Variants in RBM44 observed in about 807,000 individuals in gnomAD.
RBM44 encodes the protein RNA-binding protein 44.
RBM44 carries 66 observed loss-of-function variants against 105.1 expected under a neutral mutation model. The ratio of observed to expected loss-of-function variants is 0.63; its 90% CI spans 0.52 to 0.77. The LOEUF is 0.77. RBM44 is among the 30% of genes least tolerant of loss of function. RBM44 has a pLI of 0.00. For synonymous variants in RBM44, 365 were observed against 417.6 expected (o/e 0.87, Z 1.54); for missense variants, 1,122 against 1,207.8 (o/e 0.93, Z 1.05).
At chr2:237,806,571 G>T (rs1013367417) in intron 1 of RBM44, among the ~76,000 whole-genome samples, 1 of 152,158 alleles carries the variant, frequency 6.6e-6, no homozygotes, top group African/African-American at 2.4e-5. Context: ...CATGGAAAAA[G>T]AACAAGGACT....
At chr2:237,804,301 T>C (rs1687504326) in intron 1 of RBM44, among the ~76,000 whole-genome samples, 1 of 152,262 alleles carries the variant, frequency 6.6e-6, no homozygotes, top group Admixed American at 6.5e-5. Flanking sequence ...TTTATTTTCC[T>C]GTGGGTATAT....
intron 1 of RBM44, among the ~76,000 whole-genome samples, chr2:237,804,995 G>C (rs903436490): frequency 6.6e-6 from 1 of 152,152 alleles, no homozygotes; most frequent in African/African-American, 2.4e-5. Context: ...GTCCTCGCCA[G>C]AGCAATCGAG....
In RBM44 at chr2:237,836,007, G is replaced by A. The variant is rs144893291; in HGVS notation, c.*22+1584G>A. Among the ~76,000 whole-genome samples the A allele has an allele frequency of 4.2e-3, 636 of 152,228 alleles. 3 individuals carry two copies. Among genetic ancestry groups the A allele is most frequent in the African/African-American group, 0.015 (609 of 41,546 alleles). ...AGATCTAAGTTAGATAATTGATGAC[G>A]GTAGCCACACTAAACAGCAGATTTT... On this transcript the variant is annotated intron_variant, in intron 15 of 15. Coordinates refer to ENST00000316997, the MANE Select transcript of RBM44 (RefSeq NM_001080504.3).
At chr2:237,820,941 C>T (rs2061780543) in intron 5 of RBM44, 130 bp from the exon 6 acceptor site, 1 of 623,150 alleles carries the variant, frequency 1.6e-6, no homozygotes, top group Non-Finnish European at 2.7e-6. Flanking sequence ...GTCCTAGCAA[C>T]TTGCGAGGCT....
intron 2 of RBM44, among the ~76,000 whole-genome samples, chr2:237,815,780 A>C (rs577550293): frequency 6.6e-6 from 1 of 152,106 alleles, no homozygotes; most frequent in South Asian, 2.1e-4. Flanking sequence ...ATCATCTCTA[A>C]TTGGCCACCA....
intron 10 of RBM44, among the ~76,000 whole-genome samples, chr2:237,826,015 A>G (rs999014751): frequency 1.6e-4 from 24 of 152,116 alleles, no homozygotes; most frequent in Non-Finnish European, 7.4e-5. Flanking sequence ...CAGCATCCTT[A>G]TCTGTAAAAT....
Position 237,818,429 on chromosome 2 carries a change from A to T in RBM44, c.1510A>T (p.Lys504Ter), listed in dbSNP as rs1404864716. ...SSNTEITMMNKKRPDEWQNEK... is the reference protein window; with the variant it reads ...SSNTEITMMN ...CAACACAGAGATAACAATGATGAAT[A>T]AAAAACGACCTGATGAATGGCAAAA... The change falls in exon 3 of 16, where the codon AAA becomes TAA. Residue 504 changes from lysine to a stop codon, truncating the protein, a stop_gained. Coordinates refer to ENST00000316997, the MANE Select transcript of RBM44 (RefSeq NM_001080504.3). LOFTEE classifies it high-confidence loss of function. This position sits in a 1 kb window ranked among gnomAD's most constrained non-coding sequence, Gnocchi z 4.6. The T allele has an allele frequency of 6.2e-7, 1 of 1,613,048 alleles. No individual in the cohort carries two copies. The highest frequency in any genetic ancestry group is 1.3e-5 in the African/African-American group (1 of 74,896).
intron 7 of RBM44, 48 bp from the exon 8 acceptor site, chr2:237,821,695 T>C (rs2061792390): frequency 4.6e-6 from 6 of 1,312,102 alleles, no homozygotes; most frequent in Non-Finnish European, 6.6e-6. Flanking sequence ...GTCACCTTAC[T>C]CTGTTATCAA....
At chr2:237,800,126 A>G (rs1576491472) in intron 1 of RBM44, among the ~76,000 whole-genome samples, 1 of 152,122 alleles carries the variant, frequency 6.6e-6, no homozygotes, top group East Asian at 1.9e-4. Flanking sequence ...TGATTTCTCC[A>G]TGACCTGCTC....
rs549206357 is a variant in RBM44 at position 237,802,502 on chromosome 2, A to G, written c.-19+3641A>G. Among the ~76,000 whole-genome samples, 156 of 152,244 alleles carry G rather than the reference A, an allele frequency of 1.0e-3. 1 individual carries two copies. The highest frequency in any genetic ancestry group is 3.6e-3 in the African/African-American group (151 of 41,538). ...CACAAAACCGGTGTCTGGTACCAAA[A>G]AGGTTGTGGACTGTTGTCCTCGAGT... On this transcript the variant is annotated intron_variant, in intron 1 of 15. Transcript: ENST00000316997.
In RBM44 at chr2:237,817,986, A is replaced by G. The variant is rs756578604; in HGVS notation, c.1067A>G (p.Glu356Gly). ...IVENKILLHL[E>G]NPSTLPQDKA... is the part of the protein sequence containing the mutation. ...GAGAACAAAATATTACTGCACCTTG[A>G]AAATCCTAGCACATTACCACAGGAT... The change falls in exon 3 of 16, where the codon GAA becomes GGA. Residue 356 changes from glutamate to glycine, a missense_variant. Glu to Gly is a moderately conservative substitution (Grantham distance 98). This residue lies in a region of RBM44 where 918 missense variants were observed against 955.3 expected (regional missense o/e 0.96). Coordinates refer to ENST00000316997, the MANE Select transcript of RBM44 (RefSeq NM_001080504.3). 8 of 1,612,316 alleles carry G rather than the reference A, an allele frequency of 5.0e-6. No homozygotes were observed. The East Asian group carries it at 1.3e-4, about 27-fold the overall frequency.
At chr2:237,799,003 G>C (rs2061515666) in intron 1 of RBM44, 142 bp downstream of exon 1, 1 of 152,228 alleles carries the variant, frequency 6.6e-6, no homozygotes, top group South Asian at 2.1e-4. Flanking sequence ...AGCACGCGGG[G>C]ACTCCGAACG....
chr2:237,816,034 T>C (rs527813058), intron 2 of RBM44, among the ~76,000 whole-genome samples: 3 of 152,306 alleles, frequency 2.0e-5, no homozygotes, highest in Admixed American at 2.0e-4. Flanking sequence ...ATTCCTGTCA[T>C]ACTCGTAAGA....
chr2:237,838,914 T>C (rs1309268209), intron 15 of RBM44, among the ~76,000 whole-genome samples: 1 of 152,154 alleles, frequency 6.6e-6, no homozygotes, highest in Non-Finnish European at 1.5e-5. Context: ...TGCCCAAGGA[T>C]TTTACTGGGG....
chr2:237,821,636 C>A (rs2061791655), intron 7 of RBM44, 107 bp from the exon 8 acceptor site: 1 of 811,050 alleles, frequency 1.2e-6, no homozygotes, highest in Non-Finnish European at 2.0e-6. Context: ...AGGAACATTT[C>A]AAGTCCTCTC....
chr2:237,833,357 T>G (rs541522435), intron 13 of RBM44, among the ~76,000 whole-genome samples: 1 of 152,322 alleles, frequency 6.6e-6, no homozygotes, highest in African/African-American at 2.4e-5. Flanking sequence ...TTTACAGTGG[T>G]TTTCTACAAT....
chr2:237,823,760 A>G (rs1259789481), intron 9 of RBM44, among the ~76,000 whole-genome samples: 16 of 152,120 alleles, frequency 1.1e-4, no homozygotes, highest in Non-Finnish European at 2.4e-4. Flanking sequence ...CTAAATAATA[A>G]TATGGACTCT....
Position 237,825,574 on chromosome 2 carries a change from A to G in RBM44, c.2449+1155A>G, listed in dbSNP as rs538222299. 1.7e-4 allele frequency among the ~76,000 whole-genome samples: 26 copies of G among 152,232 alleles called. No homozygotes were observed. In the South Asian group the frequency reaches 5.2e-3, roughly 30 times the overall value. On this transcript the variant is annotated intron_variant, in intron 10 of 15. Coordinates refer to ENST00000316997, the MANE Select transcript of RBM44 (RefSeq NM_001080504.3). ...TTTTCTTCATGTCACGTATCACAAT[A>G]CTGTATGGTTTGCTTACTTGATATA... is the stretch of plus-strand genomic sequence containing the variant.
At position 237,823,427 on chromosome 2, in the gene RBM44, T is replaced by C; in HGVS notation, c.2206-13T>C. The C allele has an allele frequency of 8.3e-7, 1 of 1,197,708 alleles. No homozygotes were observed. 74.2% of individuals were successfully genotyped at this position (1,197,708 alleles called of 1,614,324 possible). A position where few individuals can be genotyped will look rare whatever the true frequency, so the allele number is the denominator to read the frequency against. ...TTGCCCTTATTTATTGTTTTTATTATCTTAATCCTCAGATGTCTTTATCAT... is the reference window on the plus strand; with the variant it reads ...TTGCCCTTATTTATTGTTTTTATTACCTTAATCCTCAGATGTCTTTATCAT... On this transcript the variant is annotated splice_polypyrimidine_tract_variant and intron_variant, in intron 8 of 15. Coordinates refer to ENST00000316997, the MANE Select transcript of RBM44 (RefSeq NM_001080504.3).
Sources: gnomAD v4.1 joint callset for allele counts (sites outside exome capture counted in the v4.1 genomes callset) on GRCh38, gnomAD v4.1.1 for gene constraint, gnomAD v4.1.1 regional missense constraint, Gnocchi (gnomAD v3.1) non-coding constraint, MANE v1.5 for transcripts, NCBI Gene and HGNC (gene_info 2026-07-23, HGNC 2026-07-21) for gene names.